SH3PXD2B: variants seen among roughly 807,000 people sequenced by gnomAD.
SH3PXD2B encodes the protein SH3 and PX domains 2B.
Under a neutral mutation model 73.1 loss-of-function variants are expected in SH3PXD2B, and 37 were observed. The ratio of observed to expected loss-of-function variants is 0.51; its 90% confidence interval spans 0.39 to 0.67. The LOEUF is 0.67. Ranked by LOEUF, SH3PXD2B falls within the 30% of genes least tolerant of loss-of-function variation. The pLI, the probability that SH3PXD2B is intolerant of heterozygous loss-of-function variation, is 0.00. For missense variants in SH3PXD2B, 1,053 were observed against 1,197.8 expected, an observed-to-expected ratio of 0.88 and a Z score of 1.78; for synonymous variants, 457 against 480.5, an observed-to-expected ratio of 0.95 and a Z score of 0.64.
intron 2 of SH3PXD2B, among the ~76,000 whole-genome samples, chr5:172,416,692 C>CT (rs1758831699): frequency 1.1e-5 from 1 of 91,216 alleles, no homozygotes; most frequent in Non-Finnish European, 2.0e-5. Context: ...CTCTCTCTCT[C>CT]TCTCTTTTTT....
In SH3PXD2B at chr5:172,335,608, T is replaced by A; in HGVS notation, c.*2761A>T. 1 of 1,231,350 alleles carries A rather than the reference T, an allele frequency of 8.1e-7. No individual in the cohort carries two copies. The highest frequency in any genetic ancestry group is 1.0e-6 in the Non-Finnish European group (1 of 987,674). The allele number at this position is 1,231,350 out of a possible 1,614,324, so 76.3% of individuals were successfully genotyped here. ...GTTTAGGCACTGGTCACCAGCCCGGTGCTTGGCACCATTGTCACGATGGGC... is the reference window on the plus strand; with the variant it reads ...GTTTAGGCACTGGTCACCAGCCCGGAGCTTGGCACCATTGTCACGATGGGC... On this transcript the variant is annotated 3_prime_UTR_variant, in exon 13 of 13. Transcript: ENST00000311601.
At chr5:172,358,039 G>A (rs1346380835) in intron 8 of SH3PXD2B, among the ~76,000 whole-genome samples, 1 of 152,012 alleles carries the variant, frequency 6.6e-6, no homozygotes, top group African/African-American at 2.4e-5. Context: ...CTATGATATA[G>A]ATATCATTGT....
intron 3 of SH3PXD2B, among the ~76,000 whole-genome samples, chr5:172,405,527 G>C (rs1048373422): frequency 6.6e-6 from 1 of 152,222 alleles, no homozygotes; most frequent in African/African-American, 2.4e-5. Flanking sequence ...GCTTTTAGAG[G>C]ATGAGAGGGT....
intron 5 of SH3PXD2B, among the ~76,000 whole-genome samples, chr5:172,379,371 C>T (rs984490402): frequency 6.6e-6 from 1 of 151,674 alleles, no homozygotes; most frequent in East Asian, 1.9e-4. Context: ...CTCTCTCTCT[C>T]TCTCCCATGT....
chr5:172,354,730 C>T (rs1192873961), intron 8 of SH3PXD2B, among the ~76,000 whole-genome samples: 5 of 152,220 alleles, frequency 3.3e-5, no homozygotes, highest in Non-Finnish European at 5.9e-5. Flanking sequence ...CTGATCTTCA[C>T]TTTTTATTAA....
intron 3 of SH3PXD2B, among the ~76,000 whole-genome samples, chr5:172,395,980 A>G (rs1333132707): frequency 1.3e-5 from 2 of 152,076 alleles, no homozygotes; most frequent in Non-Finnish European, 2.9e-5. Context: ...AGAGATTACT[A>G]TTGATCTAAG....
intron 10 of SH3PXD2B, among the ~76,000 whole-genome samples, chr5:172,348,489 A>G (rs1757045043): frequency 1.3e-5 from 2 of 152,160 alleles, no homozygotes; most frequent in Non-Finnish European, 1.5e-5. Flanking sequence ...TGGAGCTGCC[A>G]TATTAACCCT....
At chr5:172,435,350 G>C (rs1010657414) in intron 1 of SH3PXD2B, among the ~76,000 whole-genome samples, 1 of 152,138 alleles carries the variant, frequency 6.6e-6, no homozygotes, top group Non-Finnish European at 1.5e-5. Context: ...AATTATGATG[G>C]TGCTGGTAAG....
chr5:172,341,722 C>T (rs991355312), intron 12 of SH3PXD2B, among the ~76,000 whole-genome samples: 1 of 152,228 alleles, frequency 6.6e-6, no homozygotes, highest in Non-Finnish European at 1.5e-5. Context: ...ACTATCTCGG[C>T]TCACTGCAGG....
intron 3 of SH3PXD2B, among the ~76,000 whole-genome samples, chr5:172,401,729 G>A (rs140243608): frequency 2.0e-5 from 3 of 152,102 alleles, no homozygotes; most frequent in South Asian, 2.1e-4. Flanking sequence ...AATTTCTTAC[G>A]CCTGTCTTTA....
intron 12 of SH3PXD2B, among the ~76,000 whole-genome samples, chr5:172,345,861 A>G (rs954835861): frequency 3.9e-5 from 6 of 152,184 alleles, no homozygotes; most frequent in African/African-American, 1.4e-4. Context: ...GGGGCTGGCA[A>G]GTTGAGGGGA....
chr5:172,387,729 ATG>A (rs999668574), intron 4 of SH3PXD2B, among the ~76,000 whole-genome samples: 2 of 152,186 alleles, frequency 1.3e-5, no homozygotes, highest in Non-Finnish European at 2.9e-5. Context: ...AAATACTTGT[ATG>A]TGTGACAGGA....
At chr5:172,394,326 A>G (rs1345454952) in intron 4 of SH3PXD2B, among the ~76,000 whole-genome samples, 1 of 152,264 alleles carries the variant, frequency 6.6e-6, no homozygotes, top group Admixed American at 6.5e-5. Context: ...CACATACAGA[A>G]TGGTCTCAAC....
At chr5:172,415,869 G>A (rs901041466) in intron 2 of SH3PXD2B, among the ~76,000 whole-genome samples, 4 of 152,150 alleles carry the variant, frequency 2.6e-5, no homozygotes, top group Non-Finnish European at 4.4e-5. Flanking sequence ...GGAAGGACCC[G>A]ACACCAGGTA....
At chr5:172,402,229 CT>C (rs1288111633) in intron 3 of SH3PXD2B, among the ~76,000 whole-genome samples, 1 of 152,174 alleles carries the variant, frequency 6.6e-6, no homozygotes, top group East Asian at 1.9e-4. Context: ...TCCTGTAGCA[CT>C]CCCAGGCTTA....
At chr5:172,416,711 T>C (rs1461891892) in intron 2 of SH3PXD2B, among the ~76,000 whole-genome samples, 14 of 50,714 alleles carry the variant, frequency 2.8e-4, no homozygotes, top group African/African-American at 1.0e-3. Context: ...TTTTTTTTTT[T>C]TTTTTTTTTT....
intron 1 of SH3PXD2B, among the ~76,000 whole-genome samples, chr5:172,440,016 C>T (rs1759517760): frequency 6.6e-6 from 1 of 152,204 alleles, no homozygotes; most frequent in South Asian, 2.1e-4. Context: ...TCAGCCGGAA[C>T]CAACCTGAAG....
intron 9 of SH3PXD2B, 140 bp from the exon 10 acceptor site, chr5:172,350,729 A>T: frequency 1.3e-6 from 1 of 788,102 alleles, no homozygotes; most frequent in Non-Finnish European, 2.0e-6. Flanking sequence ...AGGTTGGCAC[A>T]CACTGTGCAT....
At chr5:172,348,569 G>A (rs1757047354) in intron 10 of SH3PXD2B, among the ~76,000 whole-genome samples, 1 of 151,486 alleles carries the variant, frequency 6.6e-6, no homozygotes, top group South Asian at 2.1e-4. Flanking sequence ...GTGTGTATAT[G>A]TGTATATTCA....
Sources: gnomAD v4.1 joint callset for allele counts (sites outside exome capture counted in the v4.1 genomes callset) on GRCh38, gnomAD v4.1.1 for gene constraint, MANE v1.5 for transcripts, NCBI Gene and HGNC (gene_info 2026-07-23, HGNC 2026-07-21) for gene names.